AP5B1: variants seen among roughly 807,000 people sequenced by gnomAD.
AP5B1 encodes AP-5 complex subunit beta-1.
In AP5B1, 3 loss-of-function variants were observed where a neutral mutation model predicts 5.7. The observed-to-expected ratio is 0.53, with a 90% CI of 0.24 to 1.36. AP5B1 has a LOEUF of 1.36. Ranked by LOEUF, AP5B1 falls within the 40% of genes most tolerant of loss-of-function variation. AP5B1 has a pLI of 0.17. For missense variants in AP5B1, 1,310 were observed against 1,143.2 expected (o/e 1.15, Z -2.10); for synonymous variants, 696 against 555.5 (o/e 1.25, Z -3.56).
rs1357795676 is a variant in AP5B1 at position 65,774,570 on chromosome 11, C to T, written c.*3286G>A. Among the ~76,000 whole-genome samples the T allele has an allele frequency of 3.9e-5, 6 of 152,150 alleles. No homozygotes were observed. Among genetic ancestry groups the T allele is most frequent in the Non-Finnish European group, 5.9e-5 (4 of 68,026 alleles). ...GGGATTATGAGCACGCCACCACACCCGGCTAATTTTTGGATTTTTAGTAGA... is the reference window on the plus strand; with the variant it reads ...GGGATTATGAGCACGCCACCACACCTGGCTAATTTTTGGATTTTTAGTAGA... On this transcript the variant is annotated 3_prime_UTR_variant, in exon 2 of 2. Transcript: ENST00000532090.
Position 65,775,893 on chromosome 11 carries a change from T to C in AP5B1, c.*1963A>G, listed in dbSNP as rs776742353. On this transcript the variant is annotated 3_prime_UTR_variant, in exon 2 of 2. Coordinates refer to ENST00000532090, the MANE Select transcript of AP5B1 (RefSeq NM_138368.5). Reference sequence around the variant, plus strand: ...CAGTACCACTGTCCCAGGCCCTTTCTTTTTTTTCTTTTTTTGAGACAGAGC... The same window carrying C: ...CAGTACCACTGTCCCAGGCCCTTTCCTTTTTTTCTTTTTTTGAGACAGAGC... The C allele has an allele frequency of 6.6e-6, 1 of 151,880 alleles. No homozygotes were observed. The highest frequency in any genetic ancestry group is 1.5e-5 in the Non-Finnish European group (1 of 68,010). The allele number at this position is 151,880 out of a possible 1,614,324, so 9.4% of individuals were successfully genotyped here. A position where few individuals can be genotyped will look rare whatever the true frequency, so the allele number is the denominator to read the frequency against.
At position 65,777,888 on chromosome 11, in the gene AP5B1, C is replaced by T; in HGVS notation, c.2605G>A (p.Asp869Asn). The change falls in exon 2 of 2, where the codon GAC (aspartate) becomes AAC (asparagine). Residue 869 changes from aspartate to asparagine, a missense_variant. By Grantham distance (23) the Asp-to-Asn change is conservative. Transcript: ENST00000532090. ...GCAGCCGCCAGCCCACGGAGGTAGT[C>T]CCCCGCCAGGGGCAGCACGGCCCAG... ...DDWAVLPLAG[D>N]YLRGLAAAV The T allele has an allele frequency of 2.6e-6, 4 of 1,542,484 alleles. No homozygotes were observed. The highest frequency in any genetic ancestry group is 1.2e-5 in the South Asian group (1 of 83,176).
chr11:65,778,038 C>T lies in AP5B1; in HGVS notation c.2455G>A (p.Val819Met). The T allele has an allele frequency of 6.2e-7, 1 of 1,612,654 alleles. No individual in the cohort carries two copies. The highest frequency in any genetic ancestry group is 8.5e-7 in the Non-Finnish European group (1 of 1,179,796). ...CTGGTAGGAGGCTGGGCCACCACCA[C>T]AAAAGGCTCCAGGTGGCGGGACACC... ...GLVSRHLEPF[V>M]VVAQPPTSYC... is the part of the protein sequence containing the mutation. Residue 819 changes from valine to methionine, a missense_variant, in exon 2 of 2, where the codon GTG becomes ATG. Physicochemically the swap from Val to Met is conservative, Grantham distance 21. Transcript: ENST00000532090.
chr11:65,777,700 G>C lies in AP5B1; in HGVS notation c.*156C>G. On this transcript the variant is annotated 3_prime_UTR_variant, in exon 2 of 2. Transcript: ENST00000532090. ...AGAGCAGCAAAAACAGACTCAGACA[G>C]ACCCTCACCCCCAGGAGCCTGCTCC... The C allele has an allele frequency of 2.4e-6, 2 of 830,342 alleles. No homozygotes were observed. The highest frequency in any genetic ancestry group is 3.8e-5 in the South Asian group (2 of 52,498). The allele number at this position is 830,342 out of a possible 1,614,324, so 51.4% of individuals were successfully genotyped here. A position where few individuals can be genotyped will look rare whatever the true frequency, so the allele number is the denominator to read the frequency against.
In AP5B1 at chr11:65,778,622, G is replaced by A. The variant is rs1857798639; in HGVS notation, c.1871C>T (p.Ala624Val). ...GCCCAGGGCCACCCCCAACTTGGGT[G>A]CTGCCAGGTGTGCCAGCAGGATGTA... ...LYYILLAHLA[A>V]PKLGVALGPS... is the part of the protein sequence containing the mutation. Residue 624 changes from alanine to valine, a missense_variant, in exon 2 of 2, where the codon GCA becomes GTA. By Grantham distance (64) the Ala-to-Val change is moderately conservative. Coordinates refer to ENST00000532090, the MANE Select transcript of AP5B1 (RefSeq NM_138368.5). The A allele has an allele frequency of 6.3e-7, 1 of 1,594,760 alleles. No individual in the cohort carries two copies. Among genetic ancestry groups the A allele is most frequent in the Admixed American group, 1.7e-5 (1 of 57,248 alleles).
In AP5B1 at chr11:65,779,975, C is replaced by T; in HGVS notation, c.518G>A (p.Arg173Gln). 13 of 1,578,880 alleles carry T rather than the reference C, an allele frequency of 8.2e-6. No homozygotes were observed. Among genetic ancestry groups the T allele is most frequent in the Non-Finnish European group, 1.0e-5 (12 of 1,163,138 alleles). The change falls in exon 2 of 2, where the codon CGG (arginine) becomes CAG (glutamine). Residue 173 changes from arginine (R) to glutamine (Q), a missense_variant. By Grantham distance (43) the Arg-to-Gln change is conservative. Coordinates refer to ENST00000532090, the MANE Select transcript of AP5B1 (RefSeq NM_138368.5). ...AGGGCCTTCCTGCCCCAGCAGGCCCCGCAGCAACCCCAGGGAGCCCCCCAG... is the reference window on the plus strand; with the variant it reads ...AGGGCCTTCCTGCCCCAGCAGGCCCTGCAGCAACCCCAGGGAGCCCCCCAG... ...GLLGGSLGLL[R>Q]GLLGQEGPVQ...
chr11:65,780,534 G>A lies in AP5B1; in HGVS notation c.58C>T (p.Pro20Ser). 6.6e-7 allele frequency: 1 copy of A among 1,512,250 alleles called. No homozygotes were observed. The highest frequency in any genetic ancestry group is 8.8e-7 in the Non-Finnish European group (1 of 1,136,776). 93.7% of individuals were successfully genotyped at this position (1,512,250 alleles called of 1,614,324 possible). The change falls in exon 1 of 2, where the codon CCG (proline) becomes TCG (serine). Residue 20 changes from proline to serine, a missense_variant. Pro to Ser is a moderately conservative substitution (Grantham distance 74, BLOSUM62 -1). Coordinates refer to ENST00000532090, the MANE Select transcript of AP5B1 (RefSeq NM_138368.5). ...AQRLGAFRAS[P>S]SAFMAGPEGE... ...TCGGGACCTGCCATGAAGGCAGACG[G>A]GCTGGCCCGGAAGGCCCCCAAGCGC...
chr11:65,778,662 G>C lies in AP5B1; in HGVS notation c.1831C>G (p.His611Asp), dbSNP rs781751958. The C allele has an allele frequency of 1.9e-6, 3 of 1,564,154 alleles. No homozygotes were observed. The highest frequency in any genetic ancestry group is 3.8e-5 in the Admixed American group (2 of 53,052). The change falls in exon 2 of 2, where the codon CAC becomes GAC. Residue 611 changes from histidine (H) to aspartate (D), a missense_variant. Coordinates refer to ENST00000532090, the MANE Select transcript of AP5B1 (RefSeq NM_138368.5). ...RQLEDPDGRD[H>D]ARLYYILLAH... ...AGCAGGATGTAGTAGAGGCGGGCGT[G>C]GTCACGCCCATCAGGGTCCTCCAGC... is the stretch of plus-strand genomic sequence containing the variant.
At chr11:65,780,389 C>A in intron 1 of AP5B1, 47 bp from the exon 2 acceptor site, 1 of 1,461,906 alleles carries the variant, frequency 6.8e-7, no homozygotes, top group Non-Finnish European at 9.0e-7. Flanking sequence ...GTTCATGACG[C>A]GGCGGGCTGG....
In AP5B1 at chr11:65,780,784, C is replaced by A. The variant is rs980421868; in HGVS notation, c.-193G>T. 3.4e-5 allele frequency: 16 copies of A among 473,576 alleles called. No individual in the cohort carries two copies. Among genetic ancestry groups the A allele is most frequent in the Non-Finnish European group, 5.0e-5 (15 of 300,534 alleles). 29.3% of individuals were successfully genotyped at this position (473,576 alleles called of 1,614,324 possible). On this transcript the variant is annotated 5_prime_UTR_variant, in exon 1 of 2. Coordinates refer to ENST00000532090, the MANE Select transcript of AP5B1 (RefSeq NM_138368.5). ...CCGACGCCAGAGCTGGGCGCCGGGG[C>A]CCTCGCGGGACAGGACAGGAGCAGG... is the stretch of plus-strand genomic sequence containing the variant.
Position 65,777,774 on chromosome 11 carries a change from AG to A in AP5B1, c.*81del. ...AGCCAGCGAGGGCACTGCGGAATGC[AG>A]GGTTTTGGCGACAGAGCTACAGGAG... is the stretch of plus-strand genomic sequence containing the variant. On this transcript the variant is annotated 3_prime_UTR_variant, in exon 2 of 2. Transcript: ENST00000532090. 1 of 1,407,118 alleles carries A rather than the reference AG, an allele frequency of 7.1e-7. No homozygotes were observed. Among genetic ancestry groups the A allele is most frequent in the Non-Finnish European group, 9.4e-7 (1 of 1,069,018 alleles). The allele number at this position is 1,407,118 out of a possible 1,614,324, so 87.2% of individuals were successfully genotyped here. A position where few individuals can be genotyped will look rare whatever the true frequency, so the allele number is the denominator to read the frequency against.
rs1201661239 is a variant in AP5B1, at chr11:65,780,078, G to A, written c.415C>T (p.Pro139Ser). 1.3e-6 allele frequency: 2 copies of A among 1,541,696 alleles called. No homozygotes were observed. Among genetic ancestry groups the A allele is most frequent in the African/African-American group, 2.7e-5 (2 of 72,822 alleles). Residue 139 changes from proline to serine, a missense_variant, in exon 2 of 2, where the codon CCC becomes TCC. Physicochemically the swap from Pro to Ser is moderately conservative, Grantham distance 74. Transcript: ENST00000532090. Reference protein sequence around the residue: ...AGSDLGRGFVPASEQRPLQAT... With the variant: ...AGSDLGRGFVSASEQRPLQAT... ...TGCAAGGGGCGCTGTTCCGAGGCGG[G>A]GACAAAGCCTCGCCCCAGATCGCTA...
rs1298480283 is a variant in AP5B1, at chr11:65,775,710, CCT to C, written c.*2144_*2145del. On this transcript the variant is annotated 3_prime_UTR_variant, in exon 2 of 2. Coordinates refer to ENST00000532090, the MANE Select transcript of AP5B1 (RefSeq NM_138368.5). The stretch of plus-strand genomic sequence containing the variant: ...CAGCCTTCCCATGTACTTTAAGTAC[CCT>C]GATTCCCTTAAATCCCCTTCTGCCA... 6.6e-6 allele frequency among the ~76,000 whole-genome samples: 1 copy of C among 152,118 alleles called. No homozygotes were observed. The highest frequency in any genetic ancestry group is 1.5e-5 in the Non-Finnish European group (1 of 68,032).
rs1178645420 is a variant in AP5B1 at position 65,779,529 on chromosome 11, T to G, written c.964A>C (p.Thr322Pro). 1.9e-6 allele frequency: 3 copies of G among 1,606,790 alleles called. No homozygotes were observed. The highest frequency in any genetic ancestry group is 8.5e-7 in the Non-Finnish European group (1 of 1,177,858). ...AGCGCAAGCATGGCGTGCAACAGTG[T>G]CAGCTGTGCTGTGCCTAGCAGCCGT... ...LVRLLGTAQLTLLHAMLALKA... is the reference protein window; with the variant it reads ...LVRLLGTAQLPLLHAMLALKA... The change falls in exon 2 of 2, where the codon ACA becomes CCA. Residue 322 changes from threonine (T) to proline (P), a missense_variant. By Grantham distance (38) the Thr-to-Pro change is conservative. Coordinates refer to ENST00000532090, the MANE Select transcript of AP5B1 (RefSeq NM_138368.5).
chr11:65,778,087 A>C lies in AP5B1; in HGVS notation c.2406T>G (p.Leu802=). The change falls in exon 2 of 2, where the codon CTT becomes CTG. Residue 802 remains leucine (L), a synonymous_variant. Coordinates refer to ENST00000532090, the MANE Select transcript of AP5B1 (RefSeq NM_138368.5). ...EGAESRVWCP[L]GPQGLEGLVS... is the part of the protein sequence containing the mutation. ...CCAAGCCCTCCAGGCCCTGTGGCCCAAGTGGACACCACACACGACTCTCAG... is the reference window on the plus strand; with the variant it reads ...CCAAGCCCTCCAGGCCCTGTGGCCCCAGTGGACACCACACACGACTCTCAG... 6.2e-7 allele frequency: 1 copy of C among 1,612,814 alleles called. No individual in the cohort carries two copies. Among genetic ancestry groups the C allele is most frequent in the Non-Finnish European group, 8.5e-7 (1 of 1,179,882 alleles).
Position 65,779,912 on chromosome 11 carries a change from C to T in AP5B1, c.581G>A (p.Arg194His). ...CCGGGACTGGAGCACCAAGGTGTTG[C>T]GCAAAGCGAGGGCCAGCAACAGGCT... ...PLSLLLALAL[R>H]NTLVLQSRVG... is the part of the protein sequence containing the mutation. The change falls in exon 2 of 2, where the codon CGC becomes CAC. Residue 194 changes from arginine (R) to histidine (H), a missense_variant. Arg to His is a conservative substitution (Grantham distance 29, BLOSUM62 0). Transcript: ENST00000532090. 3 of 1,591,340 alleles carry T rather than the reference C, an allele frequency of 1.9e-6. No individual in the cohort carries two copies. Among genetic ancestry groups the T allele is most frequent in the Non-Finnish European group, 2.6e-6 (3 of 1,168,896 alleles).
At position 65,780,122 on chromosome 11, in the gene AP5B1, A is replaced by AGTAGGG; in HGVS notation, c.365_370dup (p.Pro122_Leu123dup). ...ATCGCTACCCGCGGCCAGGCCGAGC[A>AGTAGGG]GTAGGGGCAGGAGCCGGCAGGAGGC... is the stretch of plus-strand genomic sequence containing the variant. On this transcript the variant is annotated inframe_insertion, in exon 2 of 2. Transcript: ENST00000532090. 1 of 1,500,096 alleles carries AGTAGGG rather than the reference A, an allele frequency of 6.7e-7. No individual in the cohort carries two copies. Among genetic ancestry groups the AGTAGGG allele is most frequent in the Non-Finnish European group, 8.9e-7 (1 of 1,124,374 alleles). 92.9% of individuals were successfully genotyped at this position (1,500,096 alleles called of 1,614,324 possible).
rs559962156 is a variant in AP5B1 at position 65,777,547 on chromosome 11, T to A, written c.*309A>T. On this transcript the variant is annotated 3_prime_UTR_variant, in exon 2 of 2. Coordinates refer to ENST00000532090, the MANE Select transcript of AP5B1 (RefSeq NM_138368.5). ...CCCTCACTCCTGTCACTCTGTCCTC[T>A]GTCATGGGAAGATGCAGAAGGGTCC... is the stretch of plus-strand genomic sequence containing the variant. 3 of 335,588 alleles carry A rather than the reference T, an allele frequency of 8.9e-6. No individual in the cohort carries two copies. In the South Asian group the frequency reaches 1.9e-4, roughly 22 times the overall value. The allele number at this position is 335,588 out of a possible 1,614,324, so 20.8% of individuals were successfully genotyped here.
In AP5B1 at chr11:65,777,857, C is replaced by A; in HGVS notation, c.2636G>T (p.Ter879LeuextTer61). ...DYLRGLAAAV[*>L] ...TGCCCCCACCTGGTCTCCCGGGGCT[C>A]AGACAGCAGCCGCCAGCCCACGGAG... The change falls in exon 2 of 2, where the codon TGA becomes TTA. Residue 879 changes from the stop codon to leucine, a stop_lost. Coordinates refer to ENST00000532090, the MANE Select transcript of AP5B1 (RefSeq NM_138368.5). 1 of 1,521,396 alleles carries A rather than the reference C, an allele frequency of 6.6e-7. No individual in the cohort carries two copies. The allele number at this position is 1,521,396 out of a possible 1,614,324, so 94.2% of individuals were successfully genotyped here. A position where few individuals can be genotyped will look rare whatever the true frequency, so the allele number is the denominator to read the frequency against.
Sources: allele counts gnomAD v4.1 joint callset (sites outside exome capture counted in the v4.1 genomes callset), GRCh38; gene constraint gnomAD v4.1.1; transcripts MANE v1.5; gene names NCBI Gene and HGNC (gene_info 2026-07-23, HGNC 2026-07-21).